Variants in LIAS observed in about 807,000 individuals in gnomAD.
LIAS encodes lipoyl synthase, mitochondrial.
Under a neutral mutation model 49.4 loss-of-function variants are expected in LIAS, and 36 were observed. The observed-to-expected ratio is 0.73, with a 90% CI of 0.56 to 0.96. The LOEUF (loss-of-function observed/expected upper bound fraction) is 0.96, where lower values mean the gene tolerates loss of function less well. LIAS is among the 40% of genes least tolerant of loss of function. LIAS has a pLI of 0.00. For synonymous variants in LIAS, 145 were observed against 155.8 expected (o/e 0.93, Z 0.52); for missense variants, 399 against 456.3 (o/e 0.87, Z 1.14).
chr4:39,473,070 A>AT (rs762461736), intron 9 of LIAS, 30 bp from the exon 10 acceptor site: 1 of 1,304,410 alleles, frequency 7.7e-7, no homozygotes, highest in South Asian at 1.2e-5. Flanking sequence ...GAATTCTAAA[A>AT]TCTGATCAGA....
chr4:39,475,471 T>C (rs967319824), intron 10 of LIAS: 4 of 152,146 alleles, frequency 2.6e-5, no homozygotes, highest in Non-Finnish European at 4.4e-5. Context: ...GCTTTATATA[T>C]TGGGGTCTAA....
chr4:39,476,989 A>G, intron 10 of LIAS, 74 bp from the exon 11 acceptor site: 4 of 1,021,706 alleles, frequency 3.9e-6, no homozygotes, highest in East Asian at 2.7e-5. Flanking sequence ...CACCAAAAAT[A>G]TAATTCTGAA....
In LIAS at chr4:39,478,274, T is replaced by A. The variant is rs1344188126; in HGVS notation, c.*1159T>A. 1 of 152,094 alleles carries A rather than the reference T, an allele frequency of 6.6e-6. No homozygotes were observed. Among genetic ancestry groups the A allele is most frequent in the East Asian group, 1.9e-4 (1 of 5,188 alleles). The allele number at this position is 152,094 out of a possible 1,614,324, so 9.4% of individuals were successfully genotyped here. A position where few individuals can be genotyped will look rare whatever the true frequency, so the allele number is the denominator to read the frequency against. On this transcript the variant is annotated 3_prime_UTR_variant, in exon 11 of 11. Coordinates refer to ENST00000640888, the MANE Select transcript of LIAS (RefSeq NM_006859.4). ...ATTCCAGCACTCTGAGAGGCCGAGG[T>A]GGGCAGATCACCTGAGGTCGGGAGT...
Position 39,473,135 on chromosome 4 carries a change from C to A in LIAS, c.990C>A (p.Tyr330Ter). Reference protein sequence around the residue: ...EEYITPEKFKYWEKVGNELGF... With the variant: ...EEYITPEKFK ...ATATTACTCCTGAAAAATTCAAATACTGGGAAAAAGTAGGAAATGAACTTG... is the reference window on the plus strand; with the variant it reads ...ATATTACTCCTGAAAAATTCAAATAATGGGAAAAAGTAGGAAATGAACTTG... Residue 330 changes from tyrosine to a stop codon, truncating the protein, a stop_gained, in exon 10 of 11, where the codon TAC becomes TAA. Transcript: ENST00000640888. LOFTEE classifies it high-confidence loss of function. 6.2e-7 allele frequency: 1 copy of A among 1,610,608 alleles called. No homozygotes were observed. Among genetic ancestry groups the A allele is most frequent in the African/African-American group, 1.3e-5 (1 of 74,958 alleles).
chr4:39,459,218 G>A, intron 1 of LIAS, 56 bp downstream of exon 1: 1 of 1,509,212 alleles, frequency 6.6e-7, no homozygotes, highest in Admixed American at 1.8e-5. Flanking sequence ...TATCCCTTCA[G>A]AGCGCCCATG....
Position 39,473,211 on chromosome 4 carries a change from G to A in LIAS, c.1066G>A (p.Gly356Ser), listed in dbSNP as rs1445008677. 6.3e-7 allele frequency: 1 copy of A among 1,583,574 alleles called. No homozygotes were observed. Among genetic ancestry groups the A allele is most frequent in the Admixed American group, 1.7e-5 (1 of 59,900 alleles). Residue 356 changes from glycine to serine, a missense_variant and splice_region_variant, in exon 10 of 11, where the codon GGT becomes AGT. Gly to Ser is a moderately conservative substitution (Grantham distance 56). Around this residue, in one of 3 missense-constraint regions of LIAS, gnomAD observed 234 missense variants for 292.2 expected, o/e 0.80. Coordinates refer to ENST00000640888, the MANE Select transcript of LIAS (RefSeq NM_006859.4). ...TTTGGTGCGTTCTTCATATAAAGCA[G>A]GTAAGTTAGATTGTGGGGCATGGTT... ...GPLVRSSYKA[G>S]EFFLKNLVAK...
chr4:39,464,927 A>G (rs1744699638), intron 4 of LIAS, 119 bp from the exon 5 acceptor site: 3 of 711,234 alleles, frequency 4.2e-6, no homozygotes, highest in Admixed American at 3.2e-5. Context: ...GAATGTTTCA[A>G]ATTTCTTATA....
chr4:39,469,911 T>A, intron 7 of LIAS, 108 bp from the exon 8 acceptor site: 1 of 1,006,958 alleles, frequency 9.9e-7, no homozygotes. Context: ...ACTATGTGAT[T>A]TAAGATAATG....
intron 10 of LIAS, 79 bp downstream of exon 10, chr4:39,473,290 C>CT: frequency 2.3e-6 from 2 of 877,204 alleles, no homozygotes; most frequent in South Asian, 2.9e-5. Context: ...CACTAAAACT[C>CT]TTGACAAATT....
rs78325971 is a variant in LIAS at position 39,459,086 on chromosome 4, A to T, written c.-32A>T. ...CTTTCCCGGGAGTTAGCGATCCCTCAACCCCTGCACTGCGCTAGTCCTAAA... is the reference window on the plus strand; with the variant it reads ...CTTTCCCGGGAGTTAGCGATCCCTCTACCCCTGCACTGCGCTAGTCCTAAA... On this transcript the variant is annotated 5_prime_UTR_variant, in exon 1 of 11. Transcript: ENST00000640888. 6.1e-4 allele frequency: 989 copies of T among 1,613,814 alleles called. 9 individuals are homozygous for T. In the African/African-American group the frequency reaches 0.012, roughly 19 times the overall value.
At chr4:39,459,189 G>T (rs1187383616) in intron 1 of LIAS, 27 bp downstream of exon 1, 6 of 1,606,952 alleles carry the variant, frequency 3.7e-6, no homozygotes, top group African/African-American at 1.3e-5. Context: ...ACGGGTTTGG[G>T]CGTGGGGTGG....
At chr4:39,459,298 G>A (rs1744315319) in intron 1 of LIAS, 136 bp downstream of exon 1, 3 of 733,628 alleles carry the variant, frequency 4.1e-6, no homozygotes, top group Non-Finnish European at 6.6e-6. Context: ...AACGTTTTTC[G>A]TGTAATCTCA....
intron 1 of LIAS, 128 bp from the exon 2 acceptor site, chr4:39,460,662 G>A: frequency 1.5e-6 from 1 of 656,506 alleles, no homozygotes. Context: ...GAATACTAGA[G>A]CTCCTAGTTT....
intron 10 of LIAS, chr4:39,475,160 T>G (rs1022945114): frequency 6.6e-6 from 1 of 152,192 alleles, no homozygotes; most frequent in Non-Finnish European, 1.5e-5. Context: ...TGAGCCAAGA[T>G]CCTGCCACTC....
chr4:39,477,003 G>A (rs1745216117), intron 10 of LIAS, 60 bp from the exon 11 acceptor site: 3 of 1,095,052 alleles, frequency 2.7e-6, no homozygotes, highest in Non-Finnish European at 4.0e-6. Context: ...TTCTGAAATA[G>A]TTGTCTCACT....
At chr4:39,468,654 G>A (rs773700755) in intron 7 of LIAS, among the ~76,000 whole-genome samples, 6 of 144,236 alleles carry the variant, frequency 4.2e-5, no homozygotes, top group South Asian at 2.2e-4. Flanking sequence ...CGAGGCGGGC[G>A]GATTACCTGA....
intron 8 of LIAS, among the ~76,000 whole-genome samples, 167 bp downstream of exon 8, chr4:39,470,331 T>G (rs1744935742): frequency 7.1e-6 from 1 of 141,356 alleles, no homozygotes; most frequent in African/African-American, 2.6e-5. Context: ...AAATACAAGT[T>G]AAAAAAAAAA....
intron 9 of LIAS, 35 bp downstream of exon 9, chr4:39,471,341 T>TTA: frequency 6.6e-7 from 1 of 1,508,952 alleles, no homozygotes; most frequent in Non-Finnish European, 9.1e-7. Flanking sequence ...TTTTTTTTTT[T>TTA]TTATTTTTAA....
At chr4:39,475,650 GC>G (rs1170499124) in intron 10 of LIAS, 1 of 152,394 alleles carries the variant, frequency 6.6e-6, no homozygotes, top group East Asian at 1.9e-4. Context: ...GATCACTTGA[GC>G]CCAGGAGTTC....
Sources: gnomAD v4.1 joint callset for allele counts (sites outside exome capture counted in the v4.1 genomes callset) on GRCh38, gnomAD v4.1.1 for gene constraint, gnomAD v4.1.1 regional missense constraint, MANE v1.5 for transcripts, NCBI Gene and HGNC (gene_info 2026-07-23, HGNC 2026-07-21) for gene names.